SLC8A1: variants seen among roughly 807,000 people sequenced by gnomAD.
The protein encoded by SLC8A1 is sodium/calcium exchanger 1.
SLC8A1 carries 18 observed loss-of-function variants against 68.3 expected under a neutral mutation model. The ratio of observed to expected loss-of-function variants is 0.26; its 90% CI spans 0.18 to 0.39. The LOEUF (loss-of-function observed/expected upper bound fraction) is 0.39. Ranked by LOEUF, SLC8A1 falls within the 10% of genes least tolerant of loss-of-function variation. The pLI, the probability that SLC8A1 is intolerant of heterozygous loss-of-function variation, is 1.00. For synonymous variants in SLC8A1, 475 were observed against 415.5 expected, an observed-to-expected ratio of 1.14 and a Z score of -1.74; for missense variants, 985 against 1,156.7, an observed-to-expected ratio of 0.85 and a Z score of 2.15.
At chr2:40,149,588 A>G (rs566283674) in intron 6 of SLC8A1, among the ~76,000 whole-genome samples, 2 of 152,296 alleles carry the variant, frequency 1.3e-5, no homozygotes, top group East Asian at 1.9e-4. Context: ...TCCTACTGGC[A>G]TTAAGCTTTG....
At chr2:40,312,514 A>AT (rs1266330849) in intron 2 of SLC8A1, among the ~76,000 whole-genome samples, 1 of 152,172 alleles carries the variant, frequency 6.6e-6, no homozygotes, top group East Asian at 1.9e-4. Context: ...TTATAAAAGT[A>AT]TAAAGGGTTT....
At chr2:40,320,628 G>C (rs1315419773) in intron 2 of SLC8A1, among the ~76,000 whole-genome samples, 1 of 152,098 alleles carries the variant, frequency 6.6e-6, no homozygotes, top group African/African-American at 2.4e-5. Context: ...AATTCACTTT[G>C]ATGCGTGTCT....
chr2:40,415,857 T>TACAC (rs1491346327), intron 2 of SLC8A1, among the ~76,000 whole-genome samples: 86 of 101,792 alleles, frequency 8.4e-4, no homozygotes, highest in South Asian at 2.5e-3. Context: ...CTACTAAAAG[T>TACAC]ATACACACAC....
chr2:40,486,142 G>A (rs1315589562), intron 1 of SLC8A1, among the ~76,000 whole-genome samples: 1 of 152,112 alleles, frequency 6.6e-6, no homozygotes, highest in Non-Finnish European at 1.5e-5. Flanking sequence ...TTGCTCAGCA[G>A]TTCTCCTGCC....
chr2:40,451,827 G>C (rs1320862181), intron 1 of SLC8A1, 77 bp downstream of exon 1: 1 of 153,836 alleles, frequency 6.5e-6, no homozygotes, highest in South Asian at 2.1e-4. Flanking sequence ...GGGAAGTGTA[G>C]CCTTATGAGC....
intron 2 of SLC8A1, among the ~76,000 whole-genome samples, chr2:40,288,249 A>C (rs372101061): frequency 2.0e-5 from 3 of 152,296 alleles, no homozygotes. Flanking sequence ...TTTAAAATCA[A>C]CTTTTCACCT....
rs76484752 is a variant in SLC8A1 at position 40,126,424 on chromosome 2, T to C, written c.2438-10795A>G. ...CCAAAGTCCTAACTAATCCAGAATA[T>C]TTAGAATGGAGGGTCTGTGGGAGAA... On this transcript the variant is annotated intron_variant, in intron 7 of 7. Coordinates refer to ENST00000406785, the Ensembl canonical transcript of SLC8A1. Among the ~76,000 whole-genome samples, 1,143 of 152,230 alleles carry C rather than the reference T, an allele frequency of 7.5e-3. 8 individuals carry two copies. Among genetic ancestry groups the C allele is most frequent in the African/African-American group, 0.026 (1,065 of 41,540 alleles).
chr2:40,220,520 G>C (rs1232894367), intron 2 of SLC8A1: 1 of 152,172 alleles, frequency 6.6e-6, no homozygotes, highest in Non-Finnish European at 1.5e-5. Context: ...CTGATCTGGA[G>C]ACTAGTTGAA....
At chr2:40,314,518 A>C (rs2074180282) in intron 2 of SLC8A1, among the ~76,000 whole-genome samples, 1 of 151,984 alleles carries the variant, frequency 6.6e-6, no homozygotes, top group Non-Finnish European at 1.5e-5. Flanking sequence ...AAAAAGCTTG[A>C]AAAATTTACA....
intron 6 of SLC8A1, among the ~76,000 whole-genome samples, chr2:40,154,124 C>T (rs13399582): frequency 0.4 from 61,256 of 151,692 alleles, 12,661 homozygotes; most frequent in East Asian, 0.58. Context: ...ACACAAGTTA[C>T]GTAACCACTC....
chr2:40,131,699 G>A (rs555233240), intron 7 of SLC8A1, among the ~76,000 whole-genome samples: 15 of 152,206 alleles, frequency 9.9e-5, no homozygotes, highest in Non-Finnish European at 1.3e-4. Context: ...CTGCTAGGAG[G>A]GTGTCCTCAA....
chr2:40,363,535 C>A (rs1030365633), intron 2 of SLC8A1, among the ~76,000 whole-genome samples: 1 of 152,062 alleles, frequency 6.6e-6, no homozygotes, highest in Non-Finnish European at 1.5e-5. Flanking sequence ...CAAAAGCTAT[C>A]ATTATTATTA....
intron 2 of SLC8A1, among the ~76,000 whole-genome samples, chr2:40,216,445 T>C (rs1239882593): frequency 1.3e-5 from 2 of 152,150 alleles, no homozygotes; most frequent in Non-Finnish European, 2.9e-5. Flanking sequence ...CTATTGGAAA[T>C]AGTACTTCAA....
chr2:40,102,397 G>T (rs1422846177), exon 8 of SLC8A1: 3 of 149,424 alleles, frequency 2.0e-5, no homozygotes, highest in Non-Finnish European at 4.4e-5. Context: ...CCATTTTAAA[G>T]TATATCAAAT....
chr2:40,505,784 T>C lies in SLC8A1; in HGVS notation c.-25+6565A>G, dbSNP rs10490254. Among the ~76,000 whole-genome samples, 1,224 of 152,128 alleles carry C rather than the reference T, an allele frequency of 8.0e-3. 20 individuals carry two copies. The highest frequency in any genetic ancestry group is 0.028 in the African/African-American group (1,166 of 41,546). On this transcript the variant is annotated intron_variant, in intron 1 of 7. Coordinates refer to the SLC8A1 transcript ENST00000402441. ...GTTAAAGATGTCAACGGAGCTTAAATAGGCATTCTGTAAGTTAGGCATCCC... is the reference window on the plus strand; with the variant it reads ...GTTAAAGATGTCAACGGAGCTTAAACAGGCATTCTGTAAGTTAGGCATCCC...
At chr2:40,250,768 T>G (rs573708538) in intron 2 of SLC8A1, among the ~76,000 whole-genome samples, 1 of 152,298 alleles carries the variant, frequency 6.6e-6, no homozygotes, top group South Asian at 2.1e-4. Flanking sequence ...GGTTTAGAAT[T>G]TGGGGTTTGG....
At chr2:40,151,417 T>TTGCCAAGCGCTGTCTTAG (rs1301141301) in intron 6 of SLC8A1, among the ~76,000 whole-genome samples, 7 of 152,240 alleles carry the variant, frequency 4.6e-5, no homozygotes, top group African/African-American at 7.2e-5. Context: ...AGACTTAGCA[T>TTGCCAAGCGCTGTCTTAG]TGCCAAGCGC....
At chr2:40,410,520 G>A (rs894200727) in intron 2 of SLC8A1, among the ~76,000 whole-genome samples, 2 of 151,874 alleles carry the variant, frequency 1.3e-5, no homozygotes, top group Non-Finnish European at 1.5e-5. Context: ...AAAATTGTGA[G>A]ATTTTCCTAT....
intron 6 of SLC8A1, among the ~76,000 whole-genome samples, chr2:40,155,850 G>T (rs542898441): frequency 6.6e-6 from 1 of 152,126 alleles, no homozygotes; most frequent in Admixed American, 6.5e-5. Context: ...ACTTTAATTT[G>T]CTGTGAAATG....
Sources: allele counts gnomAD v4.1 joint callset (sites outside exome capture counted in the v4.1 genomes callset), GRCh38; gene constraint gnomAD v4.1.1; transcripts MANE v1.5; gene names NCBI Gene and HGNC (gene_info 2026-07-23, HGNC 2026-07-21).